The following SLC44A5 variants were observed in gnomAD, a reference collection of about 807,000 sequenced individuals.
The protein encoded by SLC44A5 is choline transporter-like protein 5.
SLC44A5 carries 57 observed loss-of-function variants against 101.8 expected under a neutral mutation model. The ratio of observed to expected loss-of-function variants is 0.56; its 90% confidence interval spans 0.45 to 0.70. The LOEUF is 0.70. SLC44A5 is among the 30% of genes least tolerant of loss of function. The pLI is 0.00. For synonymous variants in SLC44A5, 281 were observed against 290.9 expected (o/e 0.97, Z 0.35); for missense variants, 737 against 853.1 (o/e 0.86, Z 1.70).
At chr1:75,393,371 T>A (rs1002208197) in intron 3 of SLC44A5, among the ~76,000 whole-genome samples, 1 of 152,172 alleles carries the variant, frequency 6.6e-6, no homozygotes, top group Non-Finnish European at 1.5e-5. Context: ...CATATGCCCA[T>A]ACATATGTAT....
chr1:75,615,792 C>G (rs559182631), upstream of SLC44A5: 9 of 923,312 alleles, frequency 9.7e-6, no homozygotes, highest in East Asian at 3.5e-4. Flanking sequence ...CAGGCCGGCC[C>G]GAGGGGCAGA....
At chr1:75,390,410 C>CAA (rs34118379) in intron 3 of SLC44A5, among the ~76,000 whole-genome samples, 1,101 of 88,218 alleles carry the variant, frequency 0.012, 7 homozygotes, top group Non-Finnish European at 0.016. Context: ...AAATCCTTAA[C>CAA]AAAAAAAAAA....
At chr1:75,693,757 A>T in the SLC44A5 span, among the ~76,000 whole-genome samples, 1 of 152,170 alleles carries the variant, frequency 6.6e-6, no homozygotes, top group Admixed American at 6.5e-5. Context: ...AAATCTAAGG[A>T]AGTGGGATAT....
At chr1:75,469,434 T>A (rs1479953887) in intron 2 of SLC44A5, among the ~76,000 whole-genome samples, 1 of 152,016 alleles carries the variant, frequency 6.6e-6, no homozygotes, top group Non-Finnish European at 1.5e-5. Flanking sequence ...ATTTATATAA[T>A]TTAGATGCAG....
chr1:75,603,306 A>T (rs1675100373), intron 1 of SLC44A5, among the ~76,000 whole-genome samples: 1 of 151,892 alleles, frequency 6.6e-6, no homozygotes, highest in African/African-American at 2.4e-5. Flanking sequence ...CTGCAAAGGA[A>T]ATGATTTTGT....
intron 2 of SLC44A5, among the ~76,000 whole-genome samples, chr1:75,434,735 T>C (rs1395585593): frequency 6.6e-6 from 1 of 152,100 alleles, no homozygotes; most frequent in African/African-American, 2.4e-5. Context: ...TTCCACTTAT[T>C]TCTAGAATCC....
At chr1:75,231,886 T>A (rs1444200146) in intron 12 of SLC44A5, among the ~76,000 whole-genome samples, 1 of 152,192 alleles carries the variant, frequency 6.6e-6, no homozygotes, top group Non-Finnish European at 1.5e-5. Flanking sequence ...TTGCTGTTCA[T>A]AAACACTTGC....
At chr1:75,227,628 T>A in intron 13 of SLC44A5, 98 bp downstream of exon 13, 1 of 906,338 alleles carries the variant, frequency 1.1e-6, no homozygotes, top group Non-Finnish European at 1.6e-6. Flanking sequence ...TAGTGATAAA[T>A]ACATTTAACA....
the SLC44A5 span, among the ~76,000 whole-genome samples, chr1:75,692,620 G>T: frequency 6.6e-6 from 1 of 152,126 alleles, no homozygotes. Flanking sequence ...GTTTGATGTG[G>T]TTATGAGAGC....
chr1:75,596,791 A>G (rs916950331), intron 1 of SLC44A5, among the ~76,000 whole-genome samples: 2 of 152,144 alleles, frequency 1.3e-5, no homozygotes, highest in African/African-American at 4.8e-5. Flanking sequence ...GTAGTGAAGG[A>G]CCCTACCTCA....
At chr1:75,719,911 G>T in the SLC44A5 span, among the ~76,000 whole-genome samples, 1 of 151,974 alleles carries the variant, frequency 6.6e-6, no homozygotes, top group African/African-American at 2.4e-5. Flanking sequence ...AGAAGGGTGC[G>T]TGAGACTCTA....
intron 2 of SLC44A5, among the ~76,000 whole-genome samples, chr1:75,472,400 T>C (rs1210321209): frequency 6.6e-6 from 1 of 152,152 alleles, no homozygotes; most frequent in East Asian, 1.9e-4. Flanking sequence ...TTCATTAATC[T>C]CAACAAGCCT....
the SLC44A5 span, among the ~76,000 whole-genome samples, chr1:75,631,539 A>ATTTTTTT: frequency 6.2e-5 from 5 of 80,852 alleles, no homozygotes; most frequent in African/African-American, 1.6e-4. Flanking sequence ...CACCTGGCTA[A>ATTTTTTT]TTTTTTTTTT....
chr1:75,681,608 C>T, the SLC44A5 span, among the ~76,000 whole-genome samples: 1 of 150,718 alleles, frequency 6.6e-6, no homozygotes, highest in East Asian at 1.9e-4. Context: ...GGACATATTT[C>T]AAAATAATAA....
intron 9 of SLC44A5, among the ~76,000 whole-genome samples, chr1:75,239,355 A>C (rs116250588): frequency 0.017 from 2,517 of 152,182 alleles, 92 homozygotes; most frequent in African/African-American, 0.058. Context: ...TAAAACCACA[A>C]TTTTAAAGGA....
chr1:75,476,194 T>C (rs957386811), intron 2 of SLC44A5, among the ~76,000 whole-genome samples: 8 of 147,556 alleles, frequency 5.4e-5, no homozygotes, highest in Admixed American at 1.3e-4. Flanking sequence ...AAAAAAAAAG[T>C]ATATATATAT....
chr1:75,223,063 A>G (rs1021837301), intron 13 of SLC44A5, among the ~76,000 whole-genome samples: 3 of 152,202 alleles, frequency 2.0e-5, no homozygotes, highest in African/African-American at 7.2e-5. Flanking sequence ...TGAAATTTAT[A>G]AATCTTGAAT....
intron 2 of SLC44A5, among the ~76,000 whole-genome samples, chr1:75,538,725 C>T (rs1156821118): frequency 6.6e-6 from 1 of 152,178 alleles, no homozygotes; most frequent in Non-Finnish European, 1.5e-5. Flanking sequence ...GTTACTAGCA[C>T]ACTAATTTGG....
the SLC44A5 span, among the ~76,000 whole-genome samples, chr1:75,716,956 C>T: frequency 6.6e-6 from 1 of 151,828 alleles, no homozygotes; most frequent in Non-Finnish European, 1.5e-5. Flanking sequence ...ATCGTTTGAA[C>T]CCGGGAGGCA....
Sources: allele counts gnomAD v4.1 joint callset (sites outside exome capture counted in the v4.1 genomes callset), GRCh38; gene constraint gnomAD v4.1.1; transcripts MANE v1.5; gene names NCBI Gene and HGNC (gene_info 2026-07-23, HGNC 2026-07-21).